The following WDPCP variants were observed in gnomAD, a reference collection of about 807,000 sequenced individuals.
WDPCP encodes the protein WD repeat containing planar cell polarity effector.
WDPCP carries 71 observed loss-of-function variants against 93.1 expected under a neutral mutation model. That is an observed-to-expected ratio of 0.76 (90% CI 0.63 to 0.93). The LOEUF is 0.93. Ranked by LOEUF, WDPCP falls within the 40% of genes least tolerant of loss-of-function variation. The probability of loss-of-function intolerance (pLI) is 0.00; values close to 1 mark genes in which losing one functional copy is unlikely to be tolerated. For synonymous variants in WDPCP, 315 were observed against 315.0 expected (o/e 1.00, Z 0.00); for missense variants, 844 against 887.4 (o/e 0.95, Z 0.62).
intron 2 of WDPCP, among the ~76,000 whole-genome samples, chr2:63,679,263 C>T (rs1166111626): frequency 6.6e-6 from 1 of 151,750 alleles, no homozygotes; most frequent in Non-Finnish European, 1.5e-5. Context: ...GATTTTTATT[C>T]CTGTCAAGTT....
chr2:63,815,696 G>T lies in WDPCP; in HGVS notation n.223-1989C>A, dbSNP rs1197603080. On this transcript the variant is annotated intron_variant and non_coding_transcript_variant, in intron 1 of 4. Transcript: ENST00000467687. ...GGTGGGAGGGCAGCCCAGATGAATG[G>T]CTTTATTTGGTTGTTTATTAAGGAG... 3.9e-5 allele frequency among the ~76,000 whole-genome samples: 6 copies of T among 152,182 alleles called. No homozygotes were observed. The East Asian group carries it at 1.2e-3, about 29-fold the overall frequency.
At chr2:63,524,686 G>C (rs1703190852) in intron 1 of WDPCP, among the ~76,000 whole-genome samples, 2 of 152,126 alleles carry the variant, frequency 1.3e-5, no homozygotes, top group South Asian at 2.1e-4. Flanking sequence ...TCTAGACATA[G>C]GACTTCGCAA....
intron 12 of WDPCP, chr2:63,368,739 T>G (rs966553184): frequency 2.0e-5 from 3 of 152,166 alleles, no homozygotes; most frequent in African/African-American, 7.2e-5. Flanking sequence ...TTTAAATATG[T>G]AATAAAAGTG....
At chr2:63,529,259 G>A (rs1444570102) in intron 1 of WDPCP, among the ~76,000 whole-genome samples, 1 of 152,162 alleles carries the variant, frequency 6.6e-6, no homozygotes, top group Non-Finnish European at 1.5e-5. Flanking sequence ...ATGTTGAATA[G>A]GAGTGGTGAG....
chr2:63,316,752 C>A (rs1686673184), intron 12 of WDPCP, among the ~76,000 whole-genome samples: 1 of 151,990 alleles, frequency 6.6e-6, no homozygotes, highest in Non-Finnish European at 1.5e-5. Context: ...GAGAGGAAGT[C>A]AAACTATCTC....
intron 12 of WDPCP, among the ~76,000 whole-genome samples, chr2:63,323,591 G>A (rs1339567656): frequency 6.6e-6 from 1 of 152,022 alleles, no homozygotes; most frequent in African/African-American, 2.4e-5. Flanking sequence ...TCAGGGTATG[G>A]CCCTCCACTT....
chr2:63,161,923 C>A (rs1011669048), intron 15 of WDPCP, among the ~76,000 whole-genome samples: 1 of 152,008 alleles, frequency 6.6e-6, no homozygotes, highest in Non-Finnish European at 1.5e-5. Flanking sequence ...GCCACCACAC[C>A]CAGTTAATTT....
chr2:63,374,954 A>G (rs2104820751), intron 12 of WDPCP, among the ~76,000 whole-genome samples: 1 of 152,224 alleles, frequency 6.6e-6, no homozygotes, highest in African/African-American at 2.4e-5. Context: ...TAGGCAATAA[A>G]TCTCAAATTC....
At chr2:63,828,759 C>A (rs1671151162), upstream of WDPCP, among the ~76,000 whole-genome samples, 1 of 152,104 alleles carries the variant, frequency 6.6e-6, no homozygotes, top group African/African-American at 2.4e-5. Flanking sequence ...GCTTTGTCTT[C>A]TTCCTATTCA....
intron 14 of WDPCP, among the ~76,000 whole-genome samples, chr2:63,252,350 G>A (rs946368582): frequency 6.6e-6 from 1 of 152,198 alleles, no homozygotes; most frequent in East Asian, 1.9e-4. Context: ...AAAGCTGGAA[G>A]CATTCCCCTT....
intron 3 of WDPCP, among the ~76,000 whole-genome samples, chr2:63,644,531 C>T (rs1031711808): frequency 5.3e-5 from 8 of 152,232 alleles, no homozygotes; most frequent in Admixed American, 1.3e-4. Flanking sequence ...CGTGAGCCAC[C>T]GTGCCCGGCC....
At chr2:63,403,064 G>A (rs1052065471) in intron 10 of WDPCP, among the ~76,000 whole-genome samples, 23 of 152,144 alleles carry the variant, frequency 1.5e-4, no homozygotes, top group African/African-American at 4.6e-4. Flanking sequence ...TAAAGAAAAT[G>A]TGGTACACTG....
intron 6 of WDPCP, among the ~76,000 whole-genome samples, chr2:63,474,955 T>C (rs1699890234): frequency 6.6e-6 from 1 of 152,166 alleles, no homozygotes; most frequent in South Asian, 2.1e-4. Context: ...ATGATTTATG[T>C]CCCTTTGGGC....
chr2:63,369,299 C>T (rs1691190818), intron 12 of WDPCP: 1 of 412,662 alleles, frequency 2.4e-6, no homozygotes, highest in Non-Finnish European at 4.8e-6. Flanking sequence ...CCTTGCCAAA[C>T]TAAAGAGAGC....
chr2:63,256,285 C>G (rs1397853884), intron 14 of WDPCP, among the ~76,000 whole-genome samples: 3 of 152,100 alleles, frequency 2.0e-5, no homozygotes, highest in Non-Finnish European at 4.4e-5. Flanking sequence ...ATAACATTGA[C>G]AGCCAGAGTT....
intron 2 of WDPCP, among the ~76,000 whole-genome samples, chr2:63,779,747 C>T (rs1330226594): frequency 6.6e-6 from 1 of 152,094 alleles, no homozygotes; most frequent in African/African-American, 2.4e-5. Flanking sequence ...GCAGTTTCAC[C>T]AAAGTTTTTC....
intron 9 of WDPCP, among the ~76,000 whole-genome samples, chr2:63,433,360 A>G (rs973401480): frequency 7.9e-5 from 12 of 152,250 alleles, no homozygotes; most frequent in African/African-American, 2.7e-4. Flanking sequence ...AATGATAATA[A>G]CAAGAGTCAT....
chr2:63,372,292 A>G (rs1691463720), intron 12 of WDPCP, among the ~76,000 whole-genome samples: 1 of 152,160 alleles, frequency 6.6e-6, no homozygotes, highest in African/African-American at 2.4e-5. Context: ...CCATGATCCA[A>G]ATACCTCCTA....
chr2:63,202,802 A>G (rs905292239), intron 14 of WDPCP, among the ~76,000 whole-genome samples: 1 of 151,906 alleles, frequency 6.6e-6, no homozygotes, highest in Non-Finnish European at 1.5e-5. Context: ...TTTATCCTTT[A>G]TTTTCAACCA....
Sources: allele counts gnomAD v4.1 joint callset (sites outside exome capture counted in the v4.1 genomes callset), GRCh38; gene constraint gnomAD v4.1.1; transcripts MANE v1.5; gene names NCBI Gene and HGNC (gene_info 2026-07-23, HGNC 2026-07-21).